LOC122539214: variants seen among roughly 807,000 people sequenced by gnomAD.
chr19:52,659,892 T>G, the LOC122539214 span, among the ~76,000 whole-genome samples: 1 of 152,110 alleles, frequency 6.6e-6, no homozygotes, highest in Non-Finnish European at 1.5e-5. Flanking sequence ...TCCTGTAATA[T>G]TATCAAGATA....
chr19:52,684,861 A>G, the LOC122539214 span, among the ~76,000 whole-genome samples: 1 of 152,178 alleles, frequency 6.6e-6, no homozygotes, highest in Non-Finnish European at 1.5e-5. Context: ...GAGGCTGGAC[A>G]CTGGCAGGGG....
the LOC122539214 span, chr19:52,654,897 C>T: frequency 6.5e-6 from 1 of 152,934 alleles, no homozygotes. Context: ...AAAACCAGAA[C>T]AAAAGGCCAA....
the LOC122539214 span, among the ~76,000 whole-genome samples, chr19:52,661,925 C>T: frequency 6.6e-6 from 1 of 152,088 alleles, no homozygotes; most frequent in Non-Finnish European, 1.5e-5. Flanking sequence ...GAGTCCTAGG[C>T]CGAGGGACAG....
At chr19:52,656,577 C>T in the LOC122539214 span, among the ~76,000 whole-genome samples, 1 of 151,338 alleles carries the variant, frequency 6.6e-6, no homozygotes, top group Non-Finnish European at 1.5e-5. Context: ...CTACTAAAAC[C>T]ATGGGCTTGG....
the LOC122539214 span, among the ~76,000 whole-genome samples, chr19:52,672,409 A>G: frequency 6.6e-6 from 1 of 152,178 alleles, no homozygotes; most frequent in African/African-American, 2.4e-5. Flanking sequence ...ATATGATTAC[A>G]TTTAGAAGGG....
the LOC122539214 span, among the ~76,000 whole-genome samples, chr19:52,675,754 T>G: frequency 6.6e-6 from 1 of 152,236 alleles, no homozygotes; most frequent in African/African-American, 2.4e-5. Context: ...GAGTGAATTT[T>G]GTGCATGCAT....
At chr19:52,655,506 A>C in the LOC122539214 span, 1 of 1,402,152 alleles carries the variant, frequency 7.1e-7, no homozygotes, top group Non-Finnish European at 9.9e-7. Flanking sequence ...AAAACCAGGA[A>C]GAGCCAAGAT....
chr19:52,672,678 C>A, the LOC122539214 span, among the ~76,000 whole-genome samples: 2 of 152,200 alleles, frequency 1.3e-5, no homozygotes, highest in African/African-American at 4.8e-5. Flanking sequence ...CGGCTCACTG[C>A]AACATCTGCC....
the LOC122539214 span, among the ~76,000 whole-genome samples, chr19:52,657,701 G>A: frequency 6.6e-6 from 1 of 151,974 alleles, no homozygotes; most frequent in Admixed American, 6.6e-5. Context: ...TACAAAATTA[G>A]CCAGATGTGG....
At chr19:52,685,897 C>CAAAAAAAAAAAAAAAAAAAAAAAA in the LOC122539214 span, among the ~76,000 whole-genome samples, 1 of 132,442 alleles carries the variant, frequency 7.6e-6, no homozygotes. Context: ...GTAACTGTCA[C>CAAAAAAAAAAAAAAAAAAAAAAAA]AAAAAAAAAA....
the LOC122539214 span, among the ~76,000 whole-genome samples, chr19:52,656,426 G>A: frequency 3.3e-5 from 5 of 152,102 alleles, no homozygotes; most frequent in South Asian, 2.1e-4. Context: ...TTGGGAAGCC[G>A]AGGCAGGGGA....
chr19:52,666,253 A>G, the LOC122539214 span, among the ~76,000 whole-genome samples: 2 of 151,948 alleles, frequency 1.3e-5, no homozygotes, highest in East Asian at 3.9e-4. Context: ...GAGAGGGAGA[A>G]AGAGACAGAG....
the LOC122539214 span, among the ~76,000 whole-genome samples, chr19:52,687,655 A>G: frequency 7.3e-3 from 111 of 15,228 alleles, 6 homozygotes; most frequent in African/African-American, 0.056. Flanking sequence ...ATATATATAT[A>G]TAATGTATAT....
At chr19:52,652,462 A>G in the LOC122539214 span, 46 of 413,118 alleles carry the variant, frequency 1.1e-4, no homozygotes, top group Admixed American at 2.2e-4. Flanking sequence ...GACTGCCACA[A>G]TTATCACAGT....
At chr19:52,684,858 G>A in the LOC122539214 span, among the ~76,000 whole-genome samples, 1 of 152,222 alleles carries the variant, frequency 6.6e-6, no homozygotes, top group African/African-American at 2.4e-5. Flanking sequence ...CAGGAGGCTG[G>A]ACACTGGCAG....
chr19:52,672,663 G>C, the LOC122539214 span, among the ~76,000 whole-genome samples: 8 of 152,120 alleles, frequency 5.3e-5, no homozygotes, highest in African/African-American at 1.9e-4. Flanking sequence ...GCAATGGCAC[G>C]GTCTCGGCTC....
the LOC122539214 span, among the ~76,000 whole-genome samples, chr19:52,677,273 C>A: frequency 6.9e-6 from 1 of 144,084 alleles, no homozygotes; most frequent in Admixed American, 7.2e-5. Flanking sequence ...GGGCATTTTG[C>A]TTTTGAATAT....
At chr19:52,669,568 C>A in the LOC122539214 span, among the ~76,000 whole-genome samples, 2 of 152,122 alleles carry the variant, frequency 1.3e-5, no homozygotes, top group Non-Finnish European at 2.9e-5. Context: ...CAGTGTTGTA[C>A]CTTCATCCCA....
chr19:52,652,501 CTG>C, the LOC122539214 span: 2 of 447,866 alleles, frequency 4.5e-6, no homozygotes, highest in South Asian at 1.7e-5. Context: ...ATGAATTCTC[CTG>C]TGTTTTGCAT....
Sources: gnomAD v4.1 joint callset for allele counts (sites outside exome capture counted in the v4.1 genomes callset) on GRCh38, gnomAD v4.1.1 for gene constraint, MANE v1.5 for transcripts.